PSME4: variants seen among roughly 807,000 people sequenced by gnomAD.
PSME4 encodes the protein proteasome activator subunit 4.
In PSME4, 89 loss-of-function variants were observed where a neutral mutation model predicts 253.9. The ratio of observed to expected loss-of-function variants is 0.35; its 90% CI spans 0.30 to 0.42. The LOEUF is 0.42. Among genes scored for constraint, PSME4 ranks in the 10% least tolerant of loss-of-function variants. The pLI is 1.00. For synonymous variants in PSME4, 851 were observed against 759.2 expected, an observed-to-expected ratio of 1.12 and a Z score of -1.99; for missense variants, 2,014 against 2,195.2, an observed-to-expected ratio of 0.92 and a Z score of 1.65.
At chr2:53,953,442 G>A (rs1421804819) in intron 1 of PSME4, among the ~76,000 whole-genome samples, 5 of 146,842 alleles carry the variant, frequency 3.4e-5, no homozygotes, top group African/African-American at 1.3e-4. Flanking sequence ...TTGAGATCAG[G>A]AGTTCAAGAC....
At chr2:53,968,134 G>C (rs758918424) in intron 1 of PSME4, among the ~76,000 whole-genome samples, 1 of 151,946 alleles carries the variant, frequency 6.6e-6, no homozygotes, top group Non-Finnish European at 1.5e-5. Context: ...AAGTAGCCAG[G>C]CATGGTGGCA....
intron 26 of PSME4, 31 bp from the exon 27 acceptor site, chr2:53,904,187 T>C (rs752966626): frequency 8.2e-6 from 13 of 1,580,552 alleles, no homozygotes; most frequent in Middle Eastern, 1.7e-4. Flanking sequence ...AAAGGACTTT[T>C]ATTAAATAGT....
intron 1 of PSME4, among the ~76,000 whole-genome samples, chr2:53,969,745 C>A (rs1331697613): frequency 6.9e-6 from 1 of 144,594 alleles, no homozygotes; most frequent in African/African-American, 2.5e-5. Context: ...AGTTTACAAA[C>A]AGAACTCCTG....
chr2:53,870,144 C>T (rs1678798944), intron 43 of PSME4: 2 of 152,166 alleles, frequency 1.3e-5, no homozygotes, highest in African/African-American at 4.8e-5. Context: ...ACATATAAAT[C>T]ACAAACATTT....
chr2:53,930,855 A>G (rs1558694906), intron 10 of PSME4, among the ~76,000 whole-genome samples: 1 of 152,250 alleles, frequency 6.6e-6, no homozygotes, highest in Non-Finnish European at 1.5e-5. Flanking sequence ...AAAAACTAAC[A>G]TTCCTCCTCT....
chr2:53,966,275 C>T (rs1243400529), intron 1 of PSME4, among the ~76,000 whole-genome samples: 4 of 151,638 alleles, frequency 2.6e-5, no homozygotes, highest in Non-Finnish European at 5.9e-5. Flanking sequence ...CAGAGCGAGA[C>T]TCTGTCTCAA....
At chr2:53,935,340 C>A (rs912199754) in intron 7 of PSME4, among the ~76,000 whole-genome samples, 1 of 152,218 alleles carries the variant, frequency 6.6e-6, no homozygotes, top group South Asian at 2.1e-4. Context: ...AATGGCCAAA[C>A]AACACAGGAA....
chr2:53,918,194 G>A (rs1668142869), intron 20 of PSME4, among the ~76,000 whole-genome samples: 1 of 151,758 alleles, frequency 6.6e-6, no homozygotes, highest in African/African-American at 2.4e-5. Flanking sequence ...GGGAAGAGAG[G>A]GCACTTACTC....
Position 53,875,614 on chromosome 2 carries a change from T to C in PSME4, c.4944+13A>G, listed in dbSNP as rs199536261. ...TCCTAATCAAAAGACATAAATATTA[T>C]AAACACTCTTACTTGTTTTAGCACC... On this transcript the variant is annotated intron_variant, in intron 42 of 46. Coordinates refer to ENST00000404125, the MANE Select transcript of PSME4 (RefSeq NM_014614.3). 1.0e-5 allele frequency: 16 copies of C among 1,596,384 alleles called. No individual in the cohort carries two copies. Among genetic ancestry groups the C allele is most frequent in the Non-Finnish European group, 1.3e-5 (15 of 1,174,492 alleles).
rs1668855287 is a variant in PSME4, at chr2:53,932,034, A to G, written c.1117T>C (p.Tyr373His). 1 of 1,613,720 alleles carries G rather than the reference A, an allele frequency of 6.2e-7. No individual in the cohort carries two copies. Among genetic ancestry groups the G allele is most frequent in the Non-Finnish European group, 8.5e-7 (1 of 1,179,582 alleles). The change falls in exon 10 of 47, where the codon TAC (tyrosine) becomes CAC (histidine). Residue 373 changes from tyrosine (Y) to histidine (H), a missense_variant. Tyr to His is a moderately conservative substitution (Grantham distance 83). Around this residue, in one of 4 missense-constraint regions of PSME4, gnomAD observed 615 missense variants for 594.4 expected, o/e 1.03. Transcript: ENST00000404125. ...SVVRRLHRERYKKPSWLTPVP... is the reference protein window; with the variant it reads ...SVVRRLHRERHKKPSWLTPVP... ...GGAGTTAACCAAGAGGGCTTCTTGT[A>G]TCTTTCACGATGCAATCTTCTAACA...
At chr2:53,919,816 G>GAA (rs35216670) in intron 19 of PSME4, among the ~76,000 whole-genome samples, 2 of 150,638 alleles carry the variant, frequency 1.3e-5, no homozygotes, top group Admixed American at 6.6e-5. Context: ...GTGGGAGAGG[G>GAA]AAAAAAAAAT....
intron 6 of PSME4, 47 bp downstream of exon 6, chr2:53,936,717 G>GAAAAAAAA: frequency 8.6e-7 from 1 of 1,157,692 alleles, no homozygotes; most frequent in Non-Finnish European, 1.2e-6. Flanking sequence ...GGGGAAAAAA[G>GAAAAAAAA]AAAAAAAAAA....
Position 53,970,983 on chromosome 2 carries a change from G to A in PSME4, c.-199C>T. ...GGCTCTCAGTTCGTTGGCGGCGGCAGCGGCCGCTCTGCCCGCCCCGCACCG... is the reference window on the plus strand; with the variant it reads ...GGCTCTCAGTTCGTTGGCGGCGGCAACGGCCGCTCTGCCCGCCCCGCACCG... On this transcript the variant is annotated 5_prime_UTR_variant, in exon 1 of 47. Transcript: ENST00000404125. 1 of 466,516 alleles carries A rather than the reference G, an allele frequency of 2.1e-6. No homozygotes were observed. The highest frequency in any genetic ancestry group is 3.7e-6 in the Non-Finnish European group (1 of 271,952). The allele number at this position is 466,516 out of a possible 1,614,324, so 28.9% of individuals were successfully genotyped here. A position where few individuals can be genotyped will look rare whatever the true frequency, so the allele number is the denominator to read the frequency against.
At chr2:53,936,694 AAAAAAGTATGG>A in intron 6 of PSME4, 59 bp downstream of exon 6, 1 of 1,132,884 alleles carries the variant, frequency 8.8e-7, no homozygotes, top group Non-Finnish European at 1.2e-6. Flanking sequence ...TCTCCAAATT[AAAAAAGTATGG>A]GGGGGAAAAA....
intron 41 of PSME4, among the ~76,000 whole-genome samples, chr2:53,883,649 T>C (rs1679499188): frequency 6.6e-6 from 1 of 152,214 alleles, no homozygotes; most frequent in South Asian, 2.1e-4. Flanking sequence ...ATTTAGTTCA[T>C]ATAAAGTAAG....
chr2:53,932,890 C>A, intron 8 of PSME4, 130 bp from the exon 9 acceptor site: 1 of 644,294 alleles, frequency 1.6e-6, no homozygotes, highest in Non-Finnish European at 2.7e-6. Flanking sequence ...ATAAATTCTA[C>A]CTTTAAATAA....
rs191922542 is a variant in PSME4, at chr2:53,904,588, C to T, written c.2944-432G>A. 3.9e-4 allele frequency among the ~76,000 whole-genome samples: 59 copies of T among 152,316 alleles called. 1 individual carries two copies. Among genetic ancestry groups the T allele is most frequent in the African/African-American group, 1.4e-3 (59 of 41,572 alleles). ...CCAAAACAGACACATAACAACTTAACCCTTTTAAGGCAAACCTTAAGTACA... is the reference window on the plus strand; with the variant it reads ...CCAAAACAGACACATAACAACTTAATCCTTTTAAGGCAAACCTTAAGTACA... On this transcript the variant is annotated intron_variant, in intron 26 of 46. Transcript: ENST00000404125.
chr2:53,970,622 T>C lies in PSME4; in HGVS notation c.163A>G (p.Ile55Val), dbSNP rs1489412370. 1 of 1,549,764 alleles carries C rather than the reference T, an allele frequency of 6.5e-7. No homozygotes were observed. Among genetic ancestry groups the C allele is most frequent in the Non-Finnish European group, 8.7e-7 (1 of 1,146,912 alleles). The stretch of plus-strand genomic sequence containing the variant: ...ACGGCCCGGCCCAGGTTGCATTTGA[T>C]CTGGGCCAGCTGCAAGTCGGACTCG... ...DAESDLQLAQ[I>V]KCNLGRAVQL... The change falls in exon 1 of 47, where the codon ATC becomes GTC. Residue 55 changes from isoleucine (I) to valine (V), a missense_variant. By Grantham distance (29) the Ile-to-Val change is conservative. This residue lies in a region of PSME4 where 615 missense variants were observed against 594.4 expected (regional missense o/e 1.03). Transcript: ENST00000404125.
At chr2:53,886,027 G>A (rs1055893035) in intron 40 of PSME4, among the ~76,000 whole-genome samples, 1 of 152,158 alleles carries the variant, frequency 6.6e-6, no homozygotes, top group Non-Finnish European at 1.5e-5. Flanking sequence ...CACAGAATAG[G>A]AGAAAATATT....
Sources: allele counts gnomAD v4.1 joint callset (sites outside exome capture counted in the v4.1 genomes callset), GRCh38; gene constraint gnomAD v4.1.1; regional missense constraint gnomAD v4.1.1; transcripts MANE v1.5; gene names NCBI Gene and HGNC (gene_info 2026-07-23, HGNC 2026-07-21).